WDR62: variants seen among roughly 807,000 people sequenced by gnomAD.
WDR62 encodes WD repeat-containing protein 62.
WDR62 carries 112 observed loss-of-function variants against 160.6 expected under a neutral mutation model. That is an observed-to-expected ratio of 0.70 (90% CI 0.60 to 0.82). WDR62 has a LOEUF of 0.82. WDR62 is among the 40% of genes least tolerant of loss of function. The pLI, the probability that WDR62 is intolerant of heterozygous loss-of-function variation, is 0.00. For synonymous variants in WDR62, 792 were observed against 815.1 expected (o/e 0.97, Z 0.48); for missense variants, 1,819 against 1,983.8 (o/e 0.92, Z 1.58).
intron 16 of WDR62, among the ~76,000 whole-genome samples, chr19:36,090,825 G>A (rs977168844): frequency 3.4e-4 from 52 of 152,164 alleles, no homozygotes; most frequent in African/African-American, 1.1e-3. Context: ...CACCAGCCAC[G>A]GGTCACTCAG....
chr19:36,058,695 C>A, intron 1 of WDR62, 85 bp from the exon 2 acceptor site: 1 of 1,016,288 alleles, frequency 9.8e-7, no homozygotes, highest in Non-Finnish European at 1.5e-6. Context: ...TTGAATGTAG[C>A]AGGACCTGAA....
intron 3 of WDR62, 25 bp downstream of exon 3, chr19:36,060,055 C>T (rs779825177): frequency 6.2e-7 from 1 of 1,613,632 alleles, no homozygotes; most frequent in Admixed American, 1.7e-5. Flanking sequence ...GGGCCCGGGG[C>T]AGGGGTGGAA....
chr19:36,068,411 G>T (rs992729179), intron 7 of WDR62, among the ~76,000 whole-genome samples: 6 of 151,990 alleles, frequency 3.9e-5, no homozygotes, highest in Non-Finnish European at 7.4e-5. Flanking sequence ...CCCAGAGGGG[G>T]TTTGGCAGGG....
In WDR62 at chr19:36,073,536, G is replaced by GCCC. The variant is rs373693641; in HGVS notation, c.1233+13_1233+15dup. The GCCC allele has an allele frequency of 2.3e-6, 3 of 1,304,660 alleles. No homozygotes were observed. Among genetic ancestry groups the GCCC allele is most frequent in the East Asian group, 2.7e-5 (1 of 37,272 alleles). The allele number at this position is 1,304,660 out of a possible 1,614,324, so 80.8% of individuals were successfully genotyped here. A position where few individuals can be genotyped will look rare whatever the true frequency, so the allele number is the denominator to read the frequency against. ...TCCTACGTTTGGAACGTGGAGGTGA[G>GCCC]CCCCCCCCCCACCCCCTTGCCCCTG... On this transcript the variant is annotated splice_donor_region_variant and intron_variant, in intron 9 of 31. Coordinates refer to ENST00000401500, the MANE Select transcript of WDR62 (RefSeq NM_001083961.2).
At position 36,103,608 on chromosome 19, in the gene WDR62, C is replaced by T; in HGVS notation, c.3780C>T (p.Ser1260=). 1 of 1,612,776 alleles carries T rather than the reference C, an allele frequency of 6.2e-7. No homozygotes were observed. Among genetic ancestry groups the T allele is most frequent in the South Asian group, 1.1e-5 (1 of 91,078 alleles). The change falls in exon 30 of 32, where the codon TCC becomes TCT. Residue 1260 remains serine, a synonymous_variant. Coordinates refer to ENST00000401500, the MANE Select transcript of WDR62 (RefSeq NM_001083961.2). Reference sequence around the variant, plus strand: ...CATCGTCCGTTGGGGAGCTGGCCTCCTTGGGCCAGGAGCTTCAGGCCATCA... The same window carrying T: ...CATCGTCCGTTGGGGAGCTGGCCTCTTTGGGCCAGGAGCTTCAGGCCATCA... ...RRPSSVGELA[S]LGQELQAITT...
intron 31 of WDR62, 29 bp from the exon 32 acceptor site, chr19:36,104,739 G>A: frequency 1.2e-6 from 2 of 1,613,822 alleles, no homozygotes; most frequent in Non-Finnish European, 1.7e-6. Flanking sequence ...GGCCTTGGTG[G>A]CCCCTGACAA....
In WDR62 at chr19:36,105,084, C is replaced by G; in HGVS notation, c.*56C>G. 1 of 1,554,606 alleles carries G rather than the reference C, an allele frequency of 6.4e-7. No individual in the cohort carries two copies. The highest frequency in any genetic ancestry group is 8.6e-7 in the Non-Finnish European group (1 of 1,156,328). On this transcript the variant is annotated 3_prime_UTR_variant, in exon 32 of 32. Transcript: ENST00000401500. ...CTTCTGAGGACTTAGGTATTTTAAG[C>G]GAATAAACTGACAGCTTTGAGGAAT...
chr19:36,081,563 TCAG>T lies in WDR62; in HGVS notation c.1367_1369del (p.Ser456del), dbSNP rs1189354485. 2 of 1,614,068 alleles carry T rather than the reference TCAG, an allele frequency of 1.2e-6. No homozygotes were observed. Among genetic ancestry groups the T allele is most frequent in the East Asian group, 4.5e-5 (2 of 44,900 alleles). On this transcript the variant is annotated inframe_deletion, in exon 10 of 32. Coordinates refer to ENST00000401500, the MANE Select transcript of WDR62 (RefSeq NM_001083961.2). ...GATTCTCACTGGCAGAAAAACATCT[TCAG>T]CAATGTGAGTGGCTTCCTTTGTGAA...
chr19:36,076,374 A>G (rs1971569405), intron 9 of WDR62, among the ~76,000 whole-genome samples: 1 of 152,166 alleles, frequency 6.6e-6, no homozygotes, highest in Non-Finnish European at 1.5e-5. Context: ...CCTGGCCAAC[A>G]TGGTGAAACC....
Position 36,101,310 on chromosome 19 carries a change from G to T in WDR62, c.2964G>T (p.Pro988=), listed in dbSNP as rs762321869. ...VSSDSPKDQS[P]PEDSGESEAD... is the part of the protein sequence containing the mutation. ...CCGACAGCCCAAAGGACCAGAGCCC[G>T]CCTGAGGGTGAGTGCAGGGCAGGCA... The change falls in exon 24 of 32, where the codon CCG becomes CCT. Residue 988 remains proline, a synonymous_variant. Transcript: ENST00000401500. 6.2e-7 allele frequency: 1 copy of T among 1,609,726 alleles called. No homozygotes were observed.
chr19:36,094,368 A>G (rs888985896), intron 20 of WDR62, among the ~76,000 whole-genome samples: 1 of 151,846 alleles, frequency 6.6e-6, no homozygotes, highest in Non-Finnish European at 1.5e-5. Flanking sequence ...AGCCTGACCA[A>G]TATGGTGAAA....
At chr19:36,088,533 T>C (rs1272237320) in intron 13 of WDR62, among the ~76,000 whole-genome samples, 1 of 152,152 alleles carries the variant, frequency 6.6e-6, no homozygotes, top group Non-Finnish European at 1.5e-5. Flanking sequence ...GCCCCTGTCC[T>C]CTCTGTGTGC....
chr19:36,084,260 A>G (rs1424703868), intron 11 of WDR62, among the ~76,000 whole-genome samples: 2 of 152,112 alleles, frequency 1.3e-5, no homozygotes, highest in Admixed American at 6.5e-5. Flanking sequence ...TAACAATGAG[A>G]GACTGGAATC....
chr19:36,111,060 C>A, the WDR62 span: 1 of 795,664 alleles, frequency 1.3e-6, no homozygotes, highest in Admixed American at 2.9e-5. Context: ...AGTCCACTCC[C>A]AGGGCCAGCC....
At chr19:36,056,800 G>A (rs1970396760) in intron 1 of WDR62, among the ~76,000 whole-genome samples, 1 of 151,448 alleles carries the variant, frequency 6.6e-6, no homozygotes, top group Non-Finnish European at 1.5e-5. Context: ...TATGAACTTC[G>A]CTTTTTCTTT....
At chr19:36,091,502 T>C in intron 18 of WDR62, 37 bp downstream of exon 18, 2 of 1,585,880 alleles carry the variant, frequency 1.3e-6, no homozygotes, top group Non-Finnish European at 1.7e-6. Context: ...GTGGCTCAGA[T>C]ACCATGAGCA....
At chr19:36,109,245 T>C (rs186157874), downstream of WDR62, among the ~76,000 whole-genome samples, 399 of 152,320 alleles carry the variant, frequency 2.6e-3, 1 homozygote, top group Admixed American at 4.1e-3. Flanking sequence ...TCAGCGCTTA[T>C]CCAGGAAGCC....
chr19:36,059,842 G>T, intron 2 of WDR62, 126 bp from the exon 3 acceptor site: 7 of 920,128 alleles, frequency 7.6e-6, no homozygotes, highest in Non-Finnish European at 1.3e-5. Context: ...GGAGGAGGGG[G>T]AGGAGGAGGA....
chr19:36,080,296 A>G (rs1971819702), intron 9 of WDR62, among the ~76,000 whole-genome samples: 1 of 145,068 alleles, frequency 6.9e-6, no homozygotes. Flanking sequence ...TTTTTTTTTT[A>G]GTAGAGACGG....
Sources: gnomAD v4.1 joint callset for allele counts (sites outside exome capture counted in the v4.1 genomes callset) on GRCh38, gnomAD v4.1.1 for gene constraint, MANE v1.5 for transcripts, NCBI Gene and HGNC (gene_info 2026-07-23, HGNC 2026-07-21) for gene names.